CSGALNACT1: variants seen among roughly 807,000 people sequenced by gnomAD.
CSGALNACT1 encodes the protein chondroitin sulfate N-acetylgalactosaminyltransferase 1, also known as beta4GalNAcT-1.
CSGALNACT1 carries 52 observed loss-of-function variants against 51.0 expected under a neutral mutation model. The ratio of observed to expected loss-of-function variants is 1.02; its 90% CI spans 0.82 to 1.29. The LOEUF is 1.29. CSGALNACT1 is among the 50% of genes most tolerant of loss of function. The pLI, the probability that CSGALNACT1 is intolerant of heterozygous loss-of-function variation, is 0.00. For missense variants in CSGALNACT1, 935 were observed against 679.2 expected (o/e 1.38, Z -4.19); for synonymous variants, 341 against 254.4 (o/e 1.34, Z -3.24).
intron 1 of CSGALNACT1, among the ~76,000 whole-genome samples, chr8:19,751,288 A>G (rs2065011531): frequency 6.6e-6 from 1 of 152,124 alleles, no homozygotes; most frequent in Non-Finnish European, 1.5e-5. Flanking sequence ...AACGCAGATG[A>G]TAAGAGTGCA....
chr8:19,621,461 T>C (rs950601234), intron 1 of CSGALNACT1, among the ~76,000 whole-genome samples: 6 of 152,164 alleles, frequency 3.9e-5, no homozygotes, highest in Admixed American at 2.0e-4. Flanking sequence ...TGAATACTTG[T>C]TGATATTTTC....
chr8:19,491,718 G>T (rs566181157), intron 4 of CSGALNACT1, among the ~76,000 whole-genome samples: 1 of 152,262 alleles, frequency 6.6e-6, no homozygotes, highest in Non-Finnish European at 1.5e-5. Context: ...TATGCATCTT[G>T]AACCAAACAA....
intron 4 of CSGALNACT1, among the ~76,000 whole-genome samples, chr8:19,479,659 C>T: frequency 6.6e-6 from 1 of 151,492 alleles, no homozygotes; most frequent in Non-Finnish European, 1.5e-5. Flanking sequence ...GATGTTCATG[C>T]AGATACACAG....
At chr8:19,442,429 A>G (rs533196242) in intron 5 of CSGALNACT1, among the ~76,000 whole-genome samples, 147 of 152,230 alleles carry the variant, frequency 9.7e-4, no homozygotes, top group African/African-American at 3.1e-3. Context: ...AGGGACATGG[A>G]TGAAACTGGA....
intron 5 of CSGALNACT1, among the ~76,000 whole-genome samples, chr8:19,448,896 C>T (rs1280056681): frequency 1.3e-5 from 2 of 152,168 alleles, no homozygotes; most frequent in Non-Finnish European, 2.9e-5. Context: ...AGAAGAAATT[C>T]CTTGGCACAA....
At chr8:19,549,143 A>G (rs1317444191) in intron 3 of CSGALNACT1, among the ~76,000 whole-genome samples, 2 of 151,640 alleles carry the variant, frequency 1.3e-5, no homozygotes, top group Non-Finnish European at 2.9e-5. Context: ...TTTAATAGCA[A>G]TTGGTATCCC....
intron 3 of CSGALNACT1, among the ~76,000 whole-genome samples, chr8:19,566,729 C>T (rs2041977002): frequency 6.6e-6 from 1 of 152,074 alleles, no homozygotes; most frequent in Admixed American, 6.6e-5. Context: ...AGGGAGTTCC[C>T]CATCTGAAAA....
chr8:19,660,483 G>T (rs967862297), intron 1 of CSGALNACT1, among the ~76,000 whole-genome samples: 1 of 152,148 alleles, frequency 6.6e-6, no homozygotes. Context: ...ACAGCCTCTA[G>T]AAGATTATCA....
At chr8:19,419,097 C>T (rs970421636) in intron 7 of CSGALNACT1, among the ~76,000 whole-genome samples, 3 of 152,120 alleles carry the variant, frequency 2.0e-5, no homozygotes, top group African/African-American at 7.2e-5. Context: ...CCACCCGCCT[C>T]GGCCTCCCAA....
chr8:19,618,926 G>A (rs1287557178), intron 1 of CSGALNACT1, among the ~76,000 whole-genome samples: 3 of 152,056 alleles, frequency 2.0e-5, no homozygotes, highest in Non-Finnish European at 4.4e-5. Flanking sequence ...AATTTTAATG[G>A]GATGGAGGGC....
intron 3 of CSGALNACT1, among the ~76,000 whole-genome samples, chr8:19,577,447 G>C (rs1268526988): frequency 2.0e-5 from 3 of 149,588 alleles, no homozygotes; most frequent in Admixed American, 6.6e-5. Flanking sequence ...TGTAGTCCCA[G>C]CTACCCAGGA....
In CSGALNACT1 at chr8:19,730,292, C is replaced by T. The variant is rs981621021; in HGVS notation, c.-297+27558G>A. Among the ~76,000 whole-genome samples, 10 of 152,140 alleles carry T rather than the reference C, an allele frequency of 6.6e-5. 1 individual carries two copies. Among genetic ancestry groups the T allele is most frequent in the Non-Finnish European group, 1.5e-4 (10 of 68,026 alleles). On this transcript the variant is annotated intron_variant, in intron 1 of 1. Transcript: ENST00000517494. ...ATGAAGACCAAGATAGAACAACACT[C>T]GGGGAATAGGACACGTAGCTCCCTG...
intron 4 of CSGALNACT1, among the ~76,000 whole-genome samples, chr8:19,497,412 C>T (rs547286190): frequency 8.5e-5 from 13 of 152,274 alleles, no homozygotes; most frequent in African/African-American, 3.1e-4. Context: ...ACAGCAACAA[C>T]AAACCTCAAA....
chr8:19,520,755 C>A (rs1246324340), intron 3 of CSGALNACT1, among the ~76,000 whole-genome samples: 3 of 152,194 alleles, frequency 2.0e-5, no homozygotes, highest in Non-Finnish European at 4.4e-5. Context: ...TAACCCCATG[C>A]TATCTCCATC....
At chr8:19,621,316 T>A (rs2053797347) in intron 1 of CSGALNACT1, among the ~76,000 whole-genome samples, 1 of 152,178 alleles carries the variant, frequency 6.6e-6, no homozygotes, top group South Asian at 2.1e-4. Flanking sequence ...TACACAAGTT[T>A]ATTATAAATT....
chr8:19,445,622 C>G (rs1420934755), intron 5 of CSGALNACT1, among the ~76,000 whole-genome samples: 1 of 152,228 alleles, frequency 6.6e-6, no homozygotes, highest in Non-Finnish European at 1.5e-5. Flanking sequence ...ACCAGTGGAT[C>G]TTAAGAAATG....
chr8:19,441,097 T>C (rs532396705), intron 5 of CSGALNACT1, among the ~76,000 whole-genome samples: 37 of 152,344 alleles, frequency 2.4e-4, no homozygotes, highest in Admixed American at 2.2e-3. Context: ...GAACATTCCA[T>C]GCTCATGGGT....
intron 3 of CSGALNACT1, among the ~76,000 whole-genome samples, chr8:19,525,456 A>C (rs1342575453): frequency 6.6e-6 from 1 of 151,404 alleles, no homozygotes; most frequent in Non-Finnish European, 1.5e-5. Context: ...AATACAAAAA[A>C]GAAAAAAAAA....
At chr8:19,449,977 A>G (rs2062806338) in intron 5 of CSGALNACT1, among the ~76,000 whole-genome samples, 1 of 150,152 alleles carries the variant, frequency 6.7e-6, no homozygotes, top group South Asian at 2.2e-4. Flanking sequence ...CTGGCTTAAA[A>G]TCTAGAATAT....
Sources: gnomAD v4.1 joint callset for allele counts (sites outside exome capture counted in the v4.1 genomes callset) on GRCh38, gnomAD v4.1.1 for gene constraint, MANE v1.5 for transcripts, NCBI Gene and HGNC (gene_info 2026-07-23, HGNC 2026-07-21) for gene names.